Variants in FBXO38 observed in about 807,000 individuals in gnomAD.
The protein encoded by FBXO38 is F-box protein 38.
A neutral mutation model predicts 131.9 loss-of-function variants in FBXO38; 53 were observed. The ratio of observed to expected loss-of-function variants is 0.40; its 90% CI spans 0.32 to 0.51. The LOEUF is 0.51. FBXO38 is among the 20% of genes least tolerant of loss of function. The pLI, the probability that FBXO38 is intolerant of heterozygous loss-of-function variation, is 0.53. For synonymous variants in FBXO38, 452 were observed against 505.6 expected, an observed-to-expected ratio of 0.89 and a Z score of 1.42; for missense variants, 1,076 against 1,475.6, an observed-to-expected ratio of 0.73 and a Z score of 4.44.
rs1339955310 is a variant in FBXO38 at position 148,393,260 on chromosome 5, C to A, written c.-63-1454C>A. 1.1e-4 allele frequency among the ~76,000 whole-genome samples: 17 copies of A among 147,942 alleles called. No individual in the cohort carries two copies. In the Admixed American group the frequency reaches 1.2e-3, roughly 10 times the overall value. On this transcript the variant is annotated intron_variant, in intron 1 of 21. Transcript: ENST00000340253. ...GATGAGAGGCAAGCATGCTGACAGC[C>A]TCAAGAAGTAAATAGCACATAACCT...
intron 5 of FBXO38, among the ~76,000 whole-genome samples, chr5:148,402,904 C>G (rs1045363413): frequency 1.3e-5 from 2 of 150,868 alleles, no homozygotes; most frequent in Admixed American, 6.6e-5. Context: ...CACACATACA[C>G]AGAGAGAGAG....
intron 1 of FBXO38, among the ~76,000 whole-genome samples, chr5:148,391,641 T>G (rs1307762984): frequency 1.3e-5 from 2 of 152,212 alleles, no homozygotes; most frequent in Non-Finnish European, 2.9e-5. Flanking sequence ...GAAGATAAGA[T>G]TGGAACATCT....
intron 17 of FBXO38, 62 bp downstream of exon 17, chr5:148,433,799 C>A: frequency 1.1e-6 from 1 of 873,952 alleles, no homozygotes; most frequent in South Asian, 1.6e-5. Context: ...ATTAGGAACT[C>A]ATAAATACTG....
Position 148,427,829 on chromosome 5 carries a change from C to T in FBXO38, c.2535C>T (p.Asp845=). 4 of 1,604,558 alleles carry T rather than the reference C, an allele frequency of 2.5e-6. No homozygotes were observed. The highest frequency in any genetic ancestry group is 3.4e-6 in the Non-Finnish European group (4 of 1,175,590). The change falls in exon 15 of 22, where the codon GAC becomes GAT. Residue 845 remains aspartate (D), a synonymous_variant. Transcript: ENST00000340253. Reference sequence around the variant, plus strand: ...GTGGCTCTGGGGCTACAGGTGAGGACAGGAGGGGGAGCTCCCAGCCTGAGA... The same window carrying T: ...GTGGCTCTGGGGCTACAGGTGAGGATAGGAGGGGGAGCTCCCAGCCTGAGA... ...NGSGSGATGE[D]RRGSSQPESC...
intron 7 of FBXO38, among the ~76,000 whole-genome samples, chr5:148,407,532 G>A (rs982580411): frequency 2.6e-5 from 4 of 151,668 alleles, no homozygotes; most frequent in African/African-American, 9.7e-5. Flanking sequence ...TCTTAAACAG[G>A]ACACCAAAAA....
Position 148,409,306 on chromosome 5 carries a change from A to G in FBXO38, c.962+89A>G, listed in dbSNP as rs537673669. On this transcript the variant is annotated intron_variant, in intron 8 of 21. Transcript: ENST00000340253. ...AAAAAATTGTGGAATGTGTGTGTATATATGTGTGTACATTTGATCAAGCCT... is the reference window on the plus strand; with the variant it reads ...AAAAAATTGTGGAATGTGTGTGTATGTATGTGTGTACATTTGATCAAGCCT... 623 of 822,644 alleles carry G rather than the reference A, an allele frequency of 7.6e-4. 5 individuals are homozygous for G. In the South Asian group the frequency reaches 8.2e-3, roughly 11 times the overall value. 51.0% of individuals were successfully genotyped at this position (822,644 alleles called of 1,614,324 possible).
chr5:148,438,014 C>A (rs573169081), intron 17 of FBXO38, among the ~76,000 whole-genome samples: 58 of 152,160 alleles, frequency 3.8e-4, no homozygotes, highest in Middle Eastern at 3.4e-3. Flanking sequence ...TGACTATTGA[C>A]TATAAAAATG....
At chr5:148,403,727 G>T (rs988201322) in intron 5 of FBXO38, among the ~76,000 whole-genome samples, 1 of 152,132 alleles carries the variant, frequency 6.6e-6, no homozygotes, top group Non-Finnish European at 1.5e-5. Context: ...AGAACATTTG[G>T]TAGAATTTAG....
chr5:148,403,205 C>T (rs1413439446), intron 5 of FBXO38, among the ~76,000 whole-genome samples: 1 of 152,012 alleles, frequency 6.6e-6, no homozygotes, highest in African/African-American at 2.4e-5. Flanking sequence ...ATTTCCATAT[C>T]TTTATATTTT....
At chr5:148,421,233 G>A (rs1401238879) in intron 12 of FBXO38, among the ~76,000 whole-genome samples, 1 of 152,072 alleles carries the variant, frequency 6.6e-6, no homozygotes, top group African/African-American at 2.4e-5. Flanking sequence ...CAAAGTACTG[G>A]GATTATAGGC....
At chr5:148,441,459 C>T in intron 21 of FBXO38, 1 of 403,508 alleles carries the variant, frequency 2.5e-6, no homozygotes, top group East Asian at 4.2e-5. Flanking sequence ...TTCCTTTAGA[C>T]AGATTTTCCT....
intron 15 of FBXO38, 92 bp from the exon 16 acceptor site, chr5:148,433,332 C>T (rs1754143306): frequency 2.4e-6 from 2 of 832,200 alleles, no homozygotes; most frequent in African/African-American, 1.7e-5. Flanking sequence ...TGGGAATTAC[C>T]TTGATTATGT....
chr5:148,401,250 T>C (rs1217981205), intron 3 of FBXO38, among the ~76,000 whole-genome samples: 1 of 152,160 alleles, frequency 6.6e-6, no homozygotes, highest in Non-Finnish European at 1.5e-5. Context: ...CCCACTTACT[T>C]AACCAACAGC....
chr5:148,412,738 G>GTA (rs1269172520), intron 9 of FBXO38, among the ~76,000 whole-genome samples: 1 of 152,000 alleles, frequency 6.6e-6, no homozygotes, highest in Admixed American at 6.6e-5. Flanking sequence ...AGATAAGGTG[G>GTA]TATCCTGCTT....
chr5:148,419,718 G>T (rs565653900), intron 12 of FBXO38, among the ~76,000 whole-genome samples: 1 of 152,132 alleles, frequency 6.6e-6, no homozygotes, highest in African/African-American at 2.4e-5. Flanking sequence ...CTCCAGCCTG[G>T]GTGACAGAGG....
At chr5:148,394,953 A>C in intron 2 of FBXO38, 49 bp downstream of exon 2, 1 of 1,470,302 alleles carries the variant, frequency 6.8e-7, no homozygotes, top group Non-Finnish European at 9.1e-7. Flanking sequence ...ATAAGAGCAA[A>C]CCCTGAGGCA....
chr5:148,397,937 A>G (rs942013092), intron 2 of FBXO38, among the ~76,000 whole-genome samples: 5 of 152,112 alleles, frequency 3.3e-5, no homozygotes, highest in African/African-American at 1.2e-4. Flanking sequence ...ATTTACAGAG[A>G]TGTAGATGGA....
chr5:148,436,618 C>A (rs1754360197), intron 17 of FBXO38, among the ~76,000 whole-genome samples: 1 of 152,056 alleles, frequency 6.6e-6, no homozygotes, highest in Non-Finnish European at 1.5e-5. Context: ...ATATCTCCTA[C>A]CATATTAGTA....
intron 7 of FBXO38, among the ~76,000 whole-genome samples, chr5:148,407,933 A>G (rs1025707403): frequency 2.6e-5 from 4 of 151,782 alleles, no homozygotes; most frequent in Non-Finnish European, 4.4e-5. Context: ...TCAAAAAAAA[A>G]AGAGAGAGAG....
Sources: gnomAD v4.1 joint callset for allele counts (sites outside exome capture counted in the v4.1 genomes callset) on GRCh38, gnomAD v4.1.1 for gene constraint, MANE v1.5 for transcripts, NCBI Gene and HGNC (gene_info 2026-07-23, HGNC 2026-07-21) for gene names.